The following ANKRD33B variants were observed in gnomAD, a reference collection of about 807,000 sequenced individuals.
ANKRD33B encodes ankyrin repeat domain 33B, also known as ankyrin repeat domain-containing protein 33B.
A neutral mutation model predicts 21.5 loss-of-function variants in ANKRD33B; 6 were observed. That is an observed-to-expected ratio of 0.28 (90% confidence interval 0.15 to 0.55). The LOEUF is 0.55. Ranked by LOEUF, ANKRD33B falls within the 20% of genes least tolerant of loss-of-function variation. The pLI is 0.94. For missense variants in ANKRD33B, 698 were observed against 747.2 expected (o/e 0.93, Z 0.77); for synonymous variants, 347 against 342.4 (o/e 1.01, Z -0.15).
chr5:10,585,310 A>G (rs927098736), intron 1 of ANKRD33B, among the ~76,000 whole-genome samples: 4 of 152,236 alleles, frequency 2.6e-5, no homozygotes, highest in African/African-American at 9.6e-5. Flanking sequence ...GTTTGTTTAA[A>G]TCAACAAGTG....
At chr5:10,603,782 C>T (rs747024776) in intron 1 of ANKRD33B, among the ~76,000 whole-genome samples, 2 of 151,648 alleles carry the variant, frequency 1.3e-5, no homozygotes, top group Non-Finnish European at 2.9e-5. Context: ...TAAGCCTTTC[C>T]TCATGATTAA....
At chr5:10,645,036 G>A (rs1366570065) in intron 3 of ANKRD33B, among the ~76,000 whole-genome samples, 1 of 152,246 alleles carries the variant, frequency 6.6e-6, no homozygotes, top group Non-Finnish European at 1.5e-5. Flanking sequence ...CCCAACTCCA[G>A]TGCCTCTTTG....
chr5:10,571,290 C>T (rs1735182715), intron 1 of ANKRD33B, among the ~76,000 whole-genome samples: 1 of 152,152 alleles, frequency 6.6e-6, no homozygotes, highest in South Asian at 2.1e-4. Flanking sequence ...CAACCTCCAC[C>T]TCCCGGGTTC....
intron 1 of ANKRD33B, among the ~76,000 whole-genome samples, chr5:10,592,727 G>T (rs1000994126): frequency 6.6e-6 from 1 of 152,106 alleles, no homozygotes; most frequent in African/African-American, 2.4e-5. Flanking sequence ...GCTCCTCAGA[G>T]CTGTCTCTTG....
intron 1 of ANKRD33B, among the ~76,000 whole-genome samples, chr5:10,588,961 C>A (rs1185157798): frequency 6.6e-6 from 1 of 152,128 alleles, no homozygotes; most frequent in Non-Finnish European, 1.5e-5. Context: ...TCTGCTTGTC[C>A]TGTTCCCAGC....
chr5:10,578,118 T>G (rs1735365414), intron 1 of ANKRD33B, among the ~76,000 whole-genome samples: 1 of 152,144 alleles, frequency 6.6e-6, no homozygotes, highest in Non-Finnish European at 1.5e-5. Context: ...CTGTGATGGG[T>G]GGAAGGCCAC....
chr5:10,611,812 G>C (rs763880147), intron 1 of ANKRD33B, among the ~76,000 whole-genome samples: 1 of 152,230 alleles, frequency 6.6e-6, no homozygotes, highest in Non-Finnish European at 1.5e-5. Flanking sequence ...CTCCTGGGGA[G>C]TCCCTTCAGA....
chr5:10,575,004 T>G lies in ANKRD33B; in HGVS notation c.366+10171T>G, dbSNP rs1201994027. ...GGGAAGGCTGAGGTGGGAGGATCAC[T>G]TGAGCCCAGGAATTCAAGGCTGCAG... On this transcript the variant is annotated intron_variant, in intron 1 of 3. Transcript: ENST00000296657. Among the ~76,000 whole-genome samples the G allele has an allele frequency of 3.6e-5, 2 of 55,436 alleles. 1 individual carries two copies. Among genetic ancestry groups the G allele is most frequent in the African/African-American group, 7.5e-5 (2 of 26,790 alleles). 36.4% of individuals were successfully genotyped at this position (55,436 alleles called of 152,430 possible).
intron 1 of ANKRD33B, among the ~76,000 whole-genome samples, chr5:10,579,363 TTTTGGAAAAACCA>T (rs1329779333): frequency 6.6e-6 from 1 of 151,996 alleles, no homozygotes; most frequent in Non-Finnish European, 1.5e-5. Context: ...GTTTTTTTTT[TTTTGGAAAAACCA>T]TTTGGAAAAG....
chr5:10,634,687 C>G (rs1275398906), intron 2 of ANKRD33B, among the ~76,000 whole-genome samples: 1 of 151,216 alleles, frequency 6.6e-6, no homozygotes, highest in East Asian at 2.0e-4. Context: ...AACTCCTGGC[C>G]TCAAGTGATC....
chr5:10,576,153 A>T lies in ANKRD33B; in HGVS notation c.366+11320A>T, dbSNP rs1735316863. On this transcript the variant is annotated intron_variant, in intron 1 of 3. Transcript: ENST00000296657. This position sits in a 1 kb window ranked among gnomAD's most constrained non-coding sequence, Gnocchi z 4.1. Reference sequence around the variant, plus strand: ...TCTTGTGGGGCTGTAACTATTTCAAAATAAAAAGTTGAATGAGCGTGAAAA... The same window carrying T: ...TCTTGTGGGGCTGTAACTATTTCAATATAAAAAGTTGAATGAGCGTGAAAA... 6.6e-6 allele frequency among the ~76,000 whole-genome samples: 1 copy of T among 152,212 alleles called. No individual in the cohort carries two copies. Among genetic ancestry groups the T allele is most frequent in the African/African-American group, 2.4e-5 (1 of 41,440 alleles).
chr5:10,629,417 G>C (rs1438105032), intron 2 of ANKRD33B, among the ~76,000 whole-genome samples: 1 of 152,202 alleles, frequency 6.6e-6, no homozygotes, highest in African/African-American at 2.4e-5. Context: ...GGGAGGATGT[G>C]GAGGGCTTGA....
Position 10,649,355 on chromosome 5 carries a change from A to C in ANKRD33B, c.727A>C (p.Met243Leu), listed in dbSNP as rs1243654361. The C allele has an allele frequency of 8.5e-6, 13 of 1,535,360 alleles. No individual in the cohort carries two copies. The highest frequency in any genetic ancestry group is 1.1e-5 in the Non-Finnish European group (13 of 1,146,728). The change falls in exon 4 of 4, where the codon ATG (methionine) becomes CTG (leucine). Residue 243 changes from methionine to leucine, a missense_variant. By Grantham distance (15) the Met-to-Leu change is conservative. This residue lies in a region of ANKRD33B where 543 missense variants were observed against 566.5 expected (regional missense o/e 0.96). Transcript: ENST00000296657. ...GGGCCGCGTGGATGCCGTCCGTCTC[A>C]TGCAGAGGCTGCTGGAGCGCCCCTG... ...YTGRVDAVRL[M>L]QRLLERPCPE...
At chr5:10,594,922 AGAGTTGAAG>A (rs1451413198) in intron 1 of ANKRD33B, among the ~76,000 whole-genome samples, 3 of 152,136 alleles carry the variant, frequency 2.0e-5, no homozygotes. Flanking sequence ...AACTGCAAAT[AGAGTTGAAG>A]GAGCTGGGCT....
At chr5:10,615,585 A>G (rs1265574440) in intron 1 of ANKRD33B, among the ~76,000 whole-genome samples, 1 of 152,242 alleles carries the variant, frequency 6.6e-6, no homozygotes, top group Non-Finnish European at 1.5e-5. Context: ...ACATATAGCA[A>G]ATGGTCCTGT....
Position 10,649,649 on chromosome 5 carries a change from G to T in ANKRD33B, c.1021G>T (p.Ala341Ser). Residue 341 changes from alanine (A) to serine (S), a missense_variant, in exon 4 of 4, where the codon GCG becomes TCG. By Grantham distance (99) the Ala-to-Ser change is moderately conservative. This residue lies in a region of ANKRD33B where 543 missense variants were observed against 566.5 expected (regional missense o/e 0.96). Coordinates refer to ENST00000296657, the MANE Select transcript of ANKRD33B (RefSeq NM_001164440.2). The stretch of plus-strand genomic sequence containing the variant: ...TCCGAGCGTGGGGAAGAGGCGGCTG[G>T]CGGTGCAGGAGATCCTGGCGGCGCG... ...SPPSVGKRRLAVQEILAARAA... is the reference protein window; with the variant it reads ...SPPSVGKRRLSVQEILAARAA... The T allele has an allele frequency of 6.5e-7, 1 of 1,530,946 alleles. No individual in the cohort carries two copies. Among genetic ancestry groups the T allele is most frequent in the Non-Finnish European group, 8.7e-7 (1 of 1,144,728 alleles). 94.8% of individuals were successfully genotyped at this position (1,530,946 alleles called of 1,614,324 possible).
At chr5:10,628,520 C>G (rs969522115) in intron 2 of ANKRD33B, among the ~76,000 whole-genome samples, 1 of 152,106 alleles carries the variant, frequency 6.6e-6, no homozygotes, top group Admixed American at 6.6e-5. Flanking sequence ...GGGATCTTGC[C>G]ATGTTGCCCA....
chr5:10,598,299 C>T (rs982596624), intron 1 of ANKRD33B, among the ~76,000 whole-genome samples: 4 of 152,006 alleles, frequency 2.6e-5, no homozygotes, highest in Non-Finnish European at 4.4e-5. Context: ...TGGAGTCTTG[C>T]TCTGTTGCCC....
intron 1 of ANKRD33B, among the ~76,000 whole-genome samples, chr5:10,614,157 A>G (rs1332869746): frequency 6.6e-6 from 1 of 152,188 alleles, no homozygotes; most frequent in East Asian, 1.9e-4. Flanking sequence ...CTCTGAAGGC[A>G]GTGCTGCCGG....
Sources: allele counts gnomAD v4.1 joint callset (sites outside exome capture counted in the v4.1 genomes callset), GRCh38; gene constraint gnomAD v4.1.1; regional missense constraint gnomAD v4.1.1; non-coding constraint Gnocchi (gnomAD v3.1); transcripts MANE v1.5; gene names NCBI Gene and HGNC (gene_info 2026-07-23, HGNC 2026-07-21).